LRP1B: variants seen among roughly 807,000 people sequenced by gnomAD.
LRP1B encodes the protein low-density lipoprotein receptor-related protein 1B.
LRP1B carries 217 observed loss-of-function variants against 556.6 expected under a neutral mutation model. That is an observed-to-expected ratio of 0.39 (90% CI 0.35 to 0.44). The LOEUF (loss-of-function observed/expected upper bound fraction) is 0.44. Ranked by LOEUF, LRP1B falls within the 20% of genes least tolerant of loss-of-function variation. The probability of loss-of-function intolerance (pLI) is 1.00; values close to 1 mark genes in which losing one functional copy is unlikely to be tolerated. For synonymous variants in LRP1B, 2,047 were observed against 1,865.8 expected (o/e 1.10, Z -2.50); for missense variants, 5,053 against 5,620.8 (o/e 0.90, Z 3.23).
intron 47 of LRP1B, among the ~76,000 whole-genome samples, chr2:140,530,006 G>A (rs1052415952): frequency 2.0e-5 from 3 of 151,982 alleles, no homozygotes; most frequent in African/African-American, 4.8e-5. Flanking sequence ...GAAACCAAAA[G>A]CAATTCATTG....
At chr2:141,334,615 C>T (rs1490550243) in intron 3 of LRP1B, among the ~76,000 whole-genome samples, 5 of 152,170 alleles carry the variant, frequency 3.3e-5, no homozygotes, top group Non-Finnish European at 2.9e-5. Context: ...GTAGTGGCAC[C>T]ATCTTGGCTC....
At chr2:141,238,843 C>G (rs1376044960) in intron 5 of LRP1B, among the ~76,000 whole-genome samples, 2 of 152,000 alleles carry the variant, frequency 1.3e-5, no homozygotes, top group South Asian at 2.1e-4. Context: ...AGATGGAAAA[C>G]TGAAGAAAGA....
intron 3 of LRP1B, among the ~76,000 whole-genome samples, chr2:141,465,762 T>A (rs1682166513): frequency 6.6e-6 from 1 of 152,026 alleles, no homozygotes; most frequent in Admixed American, 6.6e-5. Context: ...GTTTTCCAGG[T>A]CTCGAACTCA....
chr2:140,361,304 C>A (rs1253936057), intron 72 of LRP1B, among the ~76,000 whole-genome samples: 1 of 119,964 alleles, frequency 8.3e-6, no homozygotes, highest in African/African-American at 3.1e-5. Context: ...CAACTGATAC[C>A]ACCAAGTATG....
At chr2:142,043,691 T>G (rs1171607551) in intron 1 of LRP1B, among the ~76,000 whole-genome samples, 1 of 151,710 alleles carries the variant, frequency 6.6e-6, no homozygotes, top group African/African-American at 2.4e-5. Context: ...TTTCAACAGC[T>G]CAATGTCTTA....
chr2:140,781,321 T>G (rs1019065585), intron 32 of LRP1B, among the ~76,000 whole-genome samples: 9 of 152,188 alleles, frequency 5.9e-5, no homozygotes, highest in Admixed American at 4.6e-4. Flanking sequence ...TCTTTCATCA[T>G]GCATAATTCT....
chr2:141,792,977 G>T (rs1574365216), intron 2 of LRP1B, among the ~76,000 whole-genome samples: 1 of 151,888 alleles, frequency 6.6e-6, no homozygotes, highest in Non-Finnish European at 1.5e-5. Flanking sequence ...GTTTTTAAGA[G>T]ATCATTTACT....
At chr2:140,745,312 AATAT>A (rs1688279151) in intron 35 of LRP1B, among the ~76,000 whole-genome samples, 1 of 152,180 alleles carries the variant, frequency 6.6e-6, no homozygotes, top group African/African-American at 2.4e-5. Flanking sequence ...ATTTAAAGTC[AATAT>A]ATAAGTCCGA....
chr2:141,114,942 G>A lies in LRP1B; in HGVS notation c.1014-52669C>T, dbSNP rs942917388. Among the ~76,000 whole-genome samples the A allele has an allele frequency of 3.9e-5, 6 of 151,908 alleles. No homozygotes were observed. The South Asian group carries it at 6.2e-4, about 16-fold the overall frequency. ...AGCTCTCCTTGATTCTATTAAAACC[G>A]CACCCTTGAGGGTAGTTATCTCTCT... On this transcript the variant is annotated intron_variant, in intron 7 of 90. Transcript: ENST00000389484.
At chr2:141,850,622 C>CTGTGTGTG (rs70994458) in intron 1 of LRP1B, among the ~76,000 whole-genome samples, 13,823 of 141,038 alleles carry the variant, frequency 0.098, 836 homozygotes, top group Admixed American at 0.16. Flanking sequence ...AGCATAAACT[C>CTGTGTGTG]TGTGTGTGTG....
intron 7 of LRP1B, among the ~76,000 whole-genome samples, chr2:141,080,773 A>G (rs559761543): frequency 6.6e-6 from 1 of 152,236 alleles, no homozygotes; most frequent in Non-Finnish European, 1.5e-5. Context: ...GATTTCAGTT[A>G]CCTATGGTCA....
chr2:141,186,490 T>G (rs1249431), intron 7 of LRP1B, among the ~76,000 whole-genome samples: 151,839 of 152,118 alleles, frequency 1, 75,780 homozygotes, highest in Non-Finnish European at 1. Flanking sequence ...GAATGTATTT[T>G]AAAGTGTTCT....
At chr2:140,455,169 C>T (rs1289746244) in intron 62 of LRP1B, among the ~76,000 whole-genome samples, 1 of 152,158 alleles carries the variant, frequency 6.6e-6, no homozygotes, top group Non-Finnish European at 1.5e-5. Flanking sequence ...TTTTATCTCT[C>T]ATACTGACTT....
intron 11 of LRP1B, among the ~76,000 whole-genome samples, chr2:141,042,186 A>G (rs1698721763): frequency 6.6e-6 from 1 of 152,136 alleles, no homozygotes; most frequent in African/African-American, 2.4e-5. Context: ...TCCTTGGAAG[A>G]TAGAGATTAC....
intron 7 of LRP1B, among the ~76,000 whole-genome samples, chr2:141,125,844 C>CAAAAAAA (rs386391362): frequency 4.1e-4 from 42 of 102,152 alleles, no homozygotes; most frequent in East Asian, 9.4e-4. Flanking sequence ...CTTTCAAATG[C>CAAAAAAA]AAAAAAAAAA....
chr2:141,128,337 C>T (rs555176858), intron 7 of LRP1B, among the ~76,000 whole-genome samples: 6 of 152,254 alleles, frequency 3.9e-5, no homozygotes, highest in South Asian at 4.1e-4. Flanking sequence ...ACAGATAGTT[C>T]GAGACACACT....
At chr2:140,960,211 G>A (rs1283917365) in intron 18 of LRP1B, among the ~76,000 whole-genome samples, 3 of 151,660 alleles carry the variant, frequency 2.0e-5, no homozygotes, top group African/African-American at 7.3e-5. Flanking sequence ...AGCACTCAGG[G>A]AAAGAGAAGC....
chr2:141,735,998 T>A (rs1693450970), intron 2 of LRP1B, among the ~76,000 whole-genome samples: 1 of 152,158 alleles, frequency 6.6e-6, no homozygotes, highest in Non-Finnish European at 1.5e-5. Context: ...CATGAGCTTC[T>A]TTCTCAAGTC....
At chr2:140,728,170 C>A (rs1687658203) in intron 35 of LRP1B, among the ~76,000 whole-genome samples, 1 of 151,570 alleles carries the variant, frequency 6.6e-6, no homozygotes, top group African/African-American at 2.4e-5. Context: ...AAAAAAAATC[C>A]ATTTTCTGGT....
Sources: gnomAD v4.1 joint callset for allele counts (sites outside exome capture counted in the v4.1 genomes callset) on GRCh38, gnomAD v4.1.1 for gene constraint, MANE v1.5 for transcripts, NCBI Gene and HGNC (gene_info 2026-07-23, HGNC 2026-07-21) for gene names.